PTK7: variants seen among roughly 807,000 people sequenced by gnomAD.
The protein encoded by PTK7 is inactive tyrosine-protein kinase 7.
A neutral mutation model predicts 116.6 loss-of-function variants in PTK7; 39 were observed. That is an observed-to-expected ratio of 0.33 (90% CI 0.26 to 0.44). PTK7 has a LOEUF of 0.44. Ranked by LOEUF, PTK7 falls within the 20% of genes least tolerant of loss-of-function variation. The pLI, the probability that PTK7 is intolerant of heterozygous loss-of-function variation, is 1.00. For synonymous variants in PTK7, 546 were observed against 563.6 expected, an observed-to-expected ratio of 0.97 and a Z score of 0.44; for missense variants, 1,169 against 1,425.6, an observed-to-expected ratio of 0.82 and a Z score of 2.90.
intron 1 of PTK7, among the ~76,000 whole-genome samples, chr6:43,080,954 TACAC>T (rs59525398): frequency 0.27 from 39,305 of 148,198 alleles, 5,288 homozygotes; most frequent in Non-Finnish European, 0.31. Context: ...AAAAAAAAAA[TACAC>T]ACACACACAC....
chr6:43,117,073 T>G (rs1768598976), intron 1 of PTK7, among the ~76,000 whole-genome samples: 1 of 152,112 alleles, frequency 6.6e-6, no homozygotes, highest in Non-Finnish European at 1.5e-5. Flanking sequence ...ATCTGCCCAC[T>G]TCGGCCTCCC....
chr6:43,144,275 C>T, intron 14 of PTK7, 176 bp from the exon 15 acceptor site: 1 of 722,298 alleles, frequency 1.4e-6, no homozygotes. Context: ...GATAGCCATA[C>T]ATCCCCCACC....
At chr6:43,136,586 G>A (rs1770055862) in intron 7 of PTK7, among the ~76,000 whole-genome samples, 1 of 152,128 alleles carries the variant, frequency 6.6e-6, no homozygotes, top group South Asian at 2.1e-4. Context: ...TCTCCAGTAG[G>A]CTAGCCAGGC....
chr6:43,157,362 ATATTTTTTTTTTTCTT>A (rs1439694266), intron 17 of PTK7, among the ~76,000 whole-genome samples: 4 of 34,254 alleles, frequency 1.2e-4, no homozygotes, highest in African/African-American at 5.4e-4. Flanking sequence ...ATATATATAT[ATATTTTTTTTTTTCTT>A]TTTTTTTTTT....
At chr6:43,093,676 A>G (rs762308285) in intron 1 of PTK7, among the ~76,000 whole-genome samples, 1 of 152,138 alleles carries the variant, frequency 6.6e-6, no homozygotes, top group African/African-American at 2.4e-5. Context: ...GCTGAATGCC[A>G]TTGTCACTGG....
Position 43,076,705 on chromosome 6 carries a change from T to TG in PTK7, c.79+139dup. Reference sequence around the variant, plus strand: ...GAGAGGCTCGCTGGGGGTGCAGGCTTGCGGCGGAAGGGCGCAAGGAGCCCG... The same window carrying TG: ...GAGAGGCTCGCTGGGGGTGCAGGCTTGGCGGCGGAAGGGCGCAAGGAGCCCG... On this transcript the variant is annotated intron_variant, in intron 1 of 19. Coordinates refer to ENST00000230419, the MANE Select transcript of PTK7 (RefSeq NM_002821.5). The surrounding 1 kb of genome is among the most constrained non-coding windows in gnomAD (Gnocchi z 5.7). 2 of 1,384,060 alleles carry TG rather than the reference T, an allele frequency of 1.4e-6. No individual in the cohort carries two copies. Among genetic ancestry groups the TG allele is most frequent in the Non-Finnish European group, 9.5e-7 (1 of 1,052,368 alleles). 85.7% of individuals were successfully genotyped at this position (1,384,060 alleles called of 1,614,324 possible).
At position 43,135,729 on chromosome 6, in the gene PTK7, T is replaced by A. The variant is rs186402655; in HGVS notation, c.1228+3042T>A. ...GGTGGAAACTAAATCCCATAGGCCT[T>A]GTAAAAGCATAGTAAGGACTTTGGC... On this transcript the variant is annotated intron_variant, in intron 7 of 19. Coordinates refer to ENST00000230419, the MANE Select transcript of PTK7 (RefSeq NM_002821.5). Among the ~76,000 whole-genome samples, 13 of 152,346 alleles carry A rather than the reference T, an allele frequency of 8.5e-5. No homozygotes were observed. The East Asian group carries it at 1.9e-3, about 23-fold the overall frequency.
rs139152951 is a variant in PTK7, at chr6:43,120,845, T to C, written c.80-8132T>C. Among the ~76,000 whole-genome samples the C allele has an allele frequency of 5.4e-3, 827 of 152,254 alleles. 2 individuals carry two copies. The highest frequency in any genetic ancestry group is 8.7e-3 in the South Asian group (42 of 4,812). ...CCAGAACCCAGGTTTCCCTAACTTA[T>C]GTTCCTTCCATCTCATCACACCACC... On this transcript the variant is annotated intron_variant, in intron 1 of 19. Coordinates refer to ENST00000230419, the MANE Select transcript of PTK7 (RefSeq NM_002821.5).
At chr6:43,133,408 A>G (rs1237602757) in intron 7 of PTK7, 1 of 152,126 alleles carries the variant, frequency 6.6e-6, no homozygotes, top group Admixed American at 6.6e-5. Context: ...CCCCATCTCT[A>G]CTAAAAATAC....
chr6:43,141,615 GCTGT>G lies in PTK7; in HGVS notation c.1619-48_1619-45del. On this transcript the variant is annotated intron_variant, in intron 10 of 19. Coordinates refer to ENST00000230419, the MANE Select transcript of PTK7 (RefSeq NM_002821.5). The surrounding 1 kb of genome is among the most constrained non-coding windows in gnomAD (Gnocchi z 4.9). ...AGGTGAGGGACTGAAGGCATTGCCA[GCTGT>G]CTGTGTAACCCTGATCCTTCCCATA... The G allele has an allele frequency of 3.2e-6, 5 of 1,574,628 alleles. No homozygotes were observed. Among genetic ancestry groups the G allele is most frequent in the Non-Finnish European group, 4.3e-6 (5 of 1,152,112 alleles).
intron 17 of PTK7, among the ~76,000 whole-genome samples, chr6:43,152,645 T>A (rs913000094): frequency 6.6e-6 from 1 of 152,254 alleles, no homozygotes; most frequent in Admixed American, 6.5e-5. Flanking sequence ...TCCATTTCTG[T>A]GCTGGTCAAT....
intron 1 of PTK7, among the ~76,000 whole-genome samples, chr6:43,080,175 AC>A (rs1766296975): frequency 1.3e-5 from 2 of 151,712 alleles, no homozygotes; most frequent in South Asian, 4.2e-4. Context: ...ACATGGTGAA[AC>A]CCCATCTCTA....
At chr6:43,096,896 A>G (rs2150385121) in intron 1 of PTK7, among the ~76,000 whole-genome samples, 1 of 126,816 alleles carries the variant, frequency 7.9e-6, no homozygotes, top group Admixed American at 7.7e-5. Flanking sequence ...ATTTAAGGCA[A>G]CATGACCAGT....
At chr6:43,124,060 GCTTGT>G (rs1317682570) in intron 1 of PTK7, among the ~76,000 whole-genome samples, 2 of 152,162 alleles carry the variant, frequency 1.3e-5, no homozygotes, top group African/African-American at 4.8e-5. Context: ...CTCCATGGGG[GCTTGT>G]GTGCAGTGGA....
chr6:43,145,540 C>T lies in PTK7; in HGVS notation c.2640+108C>T, dbSNP rs932433667. 2 of 845,326 alleles carry T rather than the reference C, an allele frequency of 2.4e-6. No homozygotes were observed. Among genetic ancestry groups the T allele is most frequent in the African/African-American group, 1.7e-5 (1 of 59,274 alleles). The allele number at this position is 845,326 out of a possible 1,614,324, so 52.4% of individuals were successfully genotyped here. A position where few individuals can be genotyped will look rare whatever the true frequency, so the allele number is the denominator to read the frequency against. ...GTGAAAACCTTGTCTCGTGCAGTCTCAGCCGAGACCTCACCTGCCTGCTGT... is the reference window on the plus strand; with the variant it reads ...GTGAAAACCTTGTCTCGTGCAGTCTTAGCCGAGACCTCACCTGCCTGCTGT... On this transcript the variant is annotated intron_variant, in intron 16 of 19. Transcript: ENST00000230419. The surrounding 1 kb of genome is among the most constrained non-coding windows in gnomAD (Gnocchi z 4.8).
rs560583526 is a variant in PTK7, at chr6:43,118,398, G to A, written c.80-10579G>A. On this transcript the variant is annotated intron_variant, in intron 1 of 19. Coordinates refer to ENST00000230419, the MANE Select transcript of PTK7 (RefSeq NM_002821.5). The stretch of plus-strand genomic sequence containing the variant: ...CTAAAAATACAAAAATTAGCTGGGC[G>A]TGGTGGCGGGCACCTGTAATCCCAG... 1.8e-4 allele frequency among the ~76,000 whole-genome samples: 27 copies of A among 151,786 alleles called. No homozygotes were observed. The South Asian group carries it at 4.8e-3, about 27-fold the overall frequency.
At chr6:43,083,043 T>C (rs538739853) in intron 1 of PTK7, among the ~76,000 whole-genome samples, 1 of 152,322 alleles carries the variant, frequency 6.6e-6, no homozygotes, top group Admixed American at 6.5e-5. Flanking sequence ...GCAGCTTCTG[T>C]GAGACTCGTC....
chr6:43,110,565 C>T (rs1768143883), intron 1 of PTK7, among the ~76,000 whole-genome samples: 1 of 152,062 alleles, frequency 6.6e-6, no homozygotes, highest in Admixed American at 6.6e-5. Flanking sequence ...GCATGTGCCA[C>T]CTTGCCTGGC....
Position 43,120,543 on chromosome 6 carries a change from CCTG to C in PTK7, c.80-8430_80-8428del, listed in dbSNP as rs1768897476. Among the ~76,000 whole-genome samples the C allele has an allele frequency of 5.3e-5, 8 of 152,322 alleles. No individual in the cohort carries two copies. The South Asian group carries it at 1.7e-3, about 32-fold the overall frequency. Reference sequence around the variant, plus strand: ...CCCCAGCTGCCTCAGACCCCACACACCTGCTGTTTGTTAGGTCACTCTTAATCC... The same window carrying C: ...CCCCAGCTGCCTCAGACCCCACACACCTGTTTGTTAGGTCACTCTTAATCC... On this transcript the variant is annotated intron_variant, in intron 1 of 19. Transcript: ENST00000230419.
Sources: gnomAD v4.1 joint callset for allele counts (sites outside exome capture counted in the v4.1 genomes callset) on GRCh38, gnomAD v4.1.1 for gene constraint, Gnocchi (gnomAD v3.1) non-coding constraint, MANE v1.5 for transcripts, NCBI Gene and HGNC (gene_info 2026-07-23, HGNC 2026-07-21) for gene names.